OSBPL3: variants seen among roughly 807,000 people sequenced by gnomAD.
The protein encoded by OSBPL3 is oxysterol-binding protein-related protein 3.
OSBPL3 carries 65 observed loss-of-function variants against 120.1 expected under a neutral mutation model. That is an observed-to-expected ratio of 0.54 (90% confidence interval 0.44 to 0.67). OSBPL3 has a LOEUF of 0.67. Among genes scored for constraint, OSBPL3 ranks in the 30% least tolerant of loss-of-function variants. The pLI is 0.00. For missense variants in OSBPL3, 1,004 were observed against 1,082.1 expected, an observed-to-expected ratio of 0.93 and a Z score of 1.01; for synonymous variants, 416 against 402.6, an observed-to-expected ratio of 1.03 and a Z score of -0.40.
Position 24,889,622 on chromosome 7 carries a change from CA to C in OSBPL3, c.96+2754del, listed in dbSNP as rs1053626486. Reference sequence around the variant, plus strand: ...ACCTGAAAAAAAAAGAATAATGTGGCAAAAAAAAGATTAAGTATCTCCATGG... The same window carrying C: ...ACCTGAAAAAAAAAGAATAATGTGGCAAAAAAAGATTAAGTATCTCCATGG... On this transcript the variant is annotated intron_variant, in intron 2 of 22. Transcript: ENST00000313367. Among the ~76,000 whole-genome samples, 7 of 151,538 alleles carry C rather than the reference CA, an allele frequency of 4.6e-5. No individual in the cohort carries two copies. The South Asian group carries it at 1.5e-3, about 32-fold the overall frequency.
intron 1 of OSBPL3, among the ~76,000 whole-genome samples, chr7:24,977,682 C>T (rs1430789937): frequency 2.6e-5 from 4 of 152,110 alleles, no homozygotes; most frequent in Admixed American, 2.6e-4. Flanking sequence ...CGGTGAAACC[C>T]CGTCTCTACT....
Position 24,938,640 on chromosome 7 carries a change from T to C in OSBPL3, c.-150+41246A>G, listed in dbSNP as rs1018385237. On this transcript the variant is annotated intron_variant, in intron 1 of 22. Transcript: ENST00000313367. The surrounding 1 kb of genome is among the most constrained non-coding windows in gnomAD (Gnocchi z 5.8). The stretch of plus-strand genomic sequence containing the variant: ...AAAAGGGTATACCTCCCAGCTGAAG[T>C]TGTTTGTTTGTTTGTTTGTTTGTTT... Among the ~76,000 whole-genome samples the C allele has an allele frequency of 2.6e-5, 3 of 114,838 alleles. No individual in the cohort carries two copies. Among genetic ancestry groups the C allele is most frequent in the Non-Finnish European group, 6.4e-5 (3 of 46,784 alleles). The allele number at this position is 114,838 out of a possible 152,430, so 75.3% of individuals were successfully genotyped here.
chr7:24,902,360 CTTCT>C (rs957963302), intron 1 of OSBPL3, among the ~76,000 whole-genome samples: 1 of 152,158 alleles, frequency 6.6e-6, no homozygotes, highest in Non-Finnish European at 1.5e-5. Flanking sequence ...TTAAACTTAA[CTTCT>C]TTCTGCAACT....
chr7:24,921,588 C>T (rs941963131), intron 1 of OSBPL3, among the ~76,000 whole-genome samples: 1 of 152,162 alleles, frequency 6.6e-6, no homozygotes, highest in Non-Finnish European at 1.5e-5. Flanking sequence ...ATCCTGGCTG[C>T]AGCAGCAGGA....
intron 1 of OSBPL3, among the ~76,000 whole-genome samples, chr7:24,941,012 G>A (rs1813038673): frequency 6.6e-6 from 1 of 151,910 alleles, no homozygotes; most frequent in South Asian, 2.1e-4. Flanking sequence ...GTAGAGACGG[G>A]GTTTCACCAT....
intron 1 of OSBPL3, among the ~76,000 whole-genome samples, chr7:24,910,003 G>A (rs1046381884): frequency 1.3e-5 from 2 of 151,536 alleles, no homozygotes; most frequent in African/African-American, 2.4e-5. Context: ...ATGGGGTTTC[G>A]CCATGTTGGT....
At chr7:24,950,923 T>G (rs1412267431) in intron 1 of OSBPL3, among the ~76,000 whole-genome samples, 2 of 152,092 alleles carry the variant, frequency 1.3e-5, no homozygotes, top group African/African-American at 4.8e-5. Flanking sequence ...CAGAGGAGAC[T>G]GAACTTGAGT....
chr7:24,908,362 G>C (rs946198311), intron 1 of OSBPL3, among the ~76,000 whole-genome samples: 4 of 152,178 alleles, frequency 2.6e-5, no homozygotes, highest in Admixed American at 2.6e-4. Context: ...TTATCTGATT[G>C]AATCTCCTTT....
At chr7:24,859,338 A>G (rs559145739) in intron 10 of OSBPL3, among the ~76,000 whole-genome samples, 2 of 151,612 alleles carry the variant, frequency 1.3e-5, no homozygotes, top group South Asian at 2.1e-4. Context: ...TTAAGAAATA[A>G]TATATGAAAA....
rs962513470 is a variant in OSBPL3, at chr7:24,849,922, G to A, written c.1159-746C>T. 2.0e-5 allele frequency among the ~76,000 whole-genome samples: 3 copies of A among 151,360 alleles called. No homozygotes were observed. The highest frequency in any genetic ancestry group is 1.9e-4 in the East Asian group (1 of 5,144). On this transcript the variant is annotated intron_variant, in intron 11 of 22. Coordinates refer to ENST00000313367, the MANE Select transcript of OSBPL3 (RefSeq NM_015550.4). The surrounding 1 kb of genome is among the most constrained non-coding windows in gnomAD (Gnocchi z 5.4). ...TGCAGCGAGCTGAGATTGCGGCCTGGGTGAGAGTGAGACCCTGTCTCACGA... is the reference window on the plus strand; with the variant it reads ...TGCAGCGAGCTGAGATTGCGGCCTGAGTGAGAGTGAGACCCTGTCTCACGA...
In OSBPL3 at chr7:24,913,857, C is replaced by T. The variant is rs1166628337; in HGVS notation, c.-149-21236G>A. On this transcript the variant is annotated intron_variant, in intron 1 of 22. Coordinates refer to ENST00000313367, the MANE Select transcript of OSBPL3 (RefSeq NM_015550.4). This position sits in a 1 kb window ranked among gnomAD's most constrained non-coding sequence, Gnocchi z 5.3. ...ACCAAGGACCGTATCCCATCAAAAACATACACCCAGAAATGGAAAACAGAG... is the reference window on the plus strand; with the variant it reads ...ACCAAGGACCGTATCCCATCAAAAATATACACCCAGAAATGGAAAACAGAG... Among the ~76,000 whole-genome samples, 1 of 152,180 alleles carries T rather than the reference C, an allele frequency of 6.6e-6. No homozygotes were observed. The highest frequency in any genetic ancestry group is 1.5e-5 in the Non-Finnish European group (1 of 68,036).
intron 22 of OSBPL3, among the ~76,000 whole-genome samples, chr7:24,801,569 G>A (rs1792362212): frequency 6.6e-6 from 1 of 152,120 alleles, no homozygotes; most frequent in African/African-American, 2.4e-5. Context: ...GAAACATATT[G>A]GAGATCATTT....
rs762136426 is a variant in OSBPL3 at position 24,804,313 on chromosome 7, A to T, written c.2567+2T>A. The T allele has an allele frequency of 6.2e-7, 1 of 1,614,126 alleles. No homozygotes were observed. The highest frequency in any genetic ancestry group is 1.7e-5 in the Admixed American group (1 of 60,016). Reference sequence around the variant, plus strand: ...AAAAACCTACTCAATCCAGGCACGAACCTGAAAAACCGAGGCTGGTGCTCC... The same window carrying T: ...AAAAACCTACTCAATCCAGGCACGATCCTGAAAAACCGAGGCTGGTGCTCC... On this transcript the variant is annotated splice_donor_variant, in intron 22 of 22. Transcript: ENST00000313367. LOFTEE classifies it high-confidence loss of function. This position sits in a 1 kb window ranked among gnomAD's most constrained non-coding sequence, Gnocchi z 5.4.
chr7:24,966,950 T>C lies in OSBPL3; in HGVS notation c.-150+12936A>G, dbSNP rs1444431344. ...CCCATTCACAGTCTTCTGGAAAATA[T>C]ATGAAAAACATCCCCTAAGTGACTA... is the stretch of plus-strand genomic sequence containing the variant. On this transcript the variant is annotated intron_variant, in intron 1 of 22. Coordinates refer to ENST00000313367, the MANE Select transcript of OSBPL3 (RefSeq NM_015550.4). The surrounding 1 kb of genome is among the most constrained non-coding windows in gnomAD (Gnocchi z 4.8). 1.3e-5 allele frequency among the ~76,000 whole-genome samples: 2 copies of C among 152,156 alleles called. No individual in the cohort carries two copies.
intron 19 of OSBPL3, 151 bp from the exon 20 acceptor site, chr7:24,810,102 C>T (rs1478596922): frequency 1.7e-5 from 12 of 708,634 alleles, no homozygotes; most frequent in Admixed American, 1.0e-4. Flanking sequence ...TTTTTTTAAC[C>T]GACAAATAAA....
chr7:24,945,510 C>T (rs1048406113), intron 1 of OSBPL3, among the ~76,000 whole-genome samples: 5 of 152,220 alleles, frequency 3.3e-5, no homozygotes, highest in African/African-American at 9.7e-5. Flanking sequence ...TAAGCACTCA[C>T]TAAATACTTG....
chr7:24,864,664 T>C (rs538245530), intron 7 of OSBPL3, among the ~76,000 whole-genome samples: 103 of 152,320 alleles, frequency 6.8e-4, no homozygotes, highest in Non-Finnish European at 1.3e-3. Flanking sequence ...GAGAAATCTT[T>C]TAAATTATAT....
Position 24,861,675 on chromosome 7 carries a change from C to A in OSBPL3, c.965G>T (p.Gly322Val). 6.2e-7 allele frequency: 1 copy of A among 1,609,784 alleles called. No individual in the cohort carries two copies. Among genetic ancestry groups the A allele is most frequent in the South Asian group, 1.1e-5 (1 of 90,880 alleles). ...AGAAAACTCTGATGAGGTTTCAGAG[C>A]CATCAGAATAATTTTTCTCTTCTCC... The part of the protein sequence containing the change: ...DFGEEKNYSD[G>V]SETSSEFSKM... Residue 322 changes from glycine to valine, a missense_variant, in exon 10 of 23, where the codon GGC becomes GTC. Around this residue, in one of 4 missense-constraint regions of OSBPL3, gnomAD observed 272 missense variants for 248.8 expected, o/e 1.09. Coordinates refer to ENST00000313367, the MANE Select transcript of OSBPL3 (RefSeq NM_015550.4).
At position 24,877,194 on chromosome 7, in the gene OSBPL3, T is replaced by G. The variant is rs78761529; in HGVS notation, c.97-5125A>C. Among the ~76,000 whole-genome samples, 2 of 152,208 alleles carry G rather than the reference T, an allele frequency of 1.3e-5. No homozygotes were observed. The highest frequency in any genetic ancestry group is 4.8e-5 in the African/African-American group (2 of 41,538). Reference sequence around the variant, plus strand: ...GTAAATTCTGATGAAGAAAAAGGAGTAAATCCCATTGGGTAGAGGAATAGT... The same window carrying G: ...GTAAATTCTGATGAAGAAAAAGGAGGAAATCCCATTGGGTAGAGGAATAGT... On this transcript the variant is annotated intron_variant, in intron 2 of 22. Coordinates refer to ENST00000313367, the MANE Select transcript of OSBPL3 (RefSeq NM_015550.4). The surrounding 1 kb of genome is among the most constrained non-coding windows in gnomAD (Gnocchi z 4.8).
Sources: gnomAD v4.1 joint callset for allele counts (sites outside exome capture counted in the v4.1 genomes callset) on GRCh38, gnomAD v4.1.1 for gene constraint, gnomAD v4.1.1 regional missense constraint, Gnocchi (gnomAD v3.1) non-coding constraint, MANE v1.5 for transcripts, NCBI Gene and HGNC (gene_info 2026-07-23, HGNC 2026-07-21) for gene names.